Variants in TMC3 observed in about 807,000 individuals in gnomAD.
TMC3 encodes the protein transmembrane channel like 3.
Under a neutral mutation model 110.6 loss-of-function variants are expected in TMC3, and 98 were observed. The observed-to-expected ratio is 0.89, with a 90% CI of 0.75 to 1.05. TMC3 has a LOEUF of 1.05. TMC3 is among the 50% of genes least tolerant of loss of function. TMC3 has a pLI of 0.00. For missense variants in TMC3, 1,319 were observed against 1,373.2 expected (o/e 0.96, Z 0.62); for synonymous variants, 489 against 513.1 (o/e 0.95, Z 0.63).
intron 9 of TMC3, among the ~76,000 whole-genome samples, chr15:81,353,370 A>T (rs1893993238): frequency 1.3e-5 from 2 of 152,242 alleles, no homozygotes; most frequent in South Asian, 4.1e-4. Context: ...TACAGTGTTT[A>T]TAAAGTCTAC....
Position 81,332,587 on chromosome 15 carries a change from C to T in TMC3, c.3135G>A (p.Ser1045=), listed in dbSNP as rs754934933. 9 of 1,613,964 alleles carry T rather than the reference C, an allele frequency of 5.6e-6. No individual in the cohort carries two copies. Among genetic ancestry groups the T allele is most frequent in the Non-Finnish European group, 7.6e-6 (9 of 1,179,882 alleles). ...TCTGCTGGTCACTGCTGGATGCTGC[C>T]GACACGGAGTCAGATTCCGTGAGGG... ...EPSLTESDSV[S]AASSSDQQNS... Residue 1045 remains serine, a synonymous_variant, in exon 22 of 22, where the codon TCG becomes TCA. Coordinates refer to ENST00000359440, the MANE Select transcript of TMC3 (RefSeq NM_001080532.3).
Position 81,334,818 on chromosome 15 carries a change from G to T in TMC3, c.2361C>A (p.Val787=). The T allele has an allele frequency of 6.2e-7, 1 of 1,614,018 alleles. No individual in the cohort carries two copies. The highest frequency in any genetic ancestry group is 8.5e-7 in the Non-Finnish European group (1 of 1,179,892). The change falls in exon 21 of 22, where the codon GTC becomes GTA. Residue 787 remains valine, a synonymous_variant. Coordinates refer to ENST00000359440, the MANE Select transcript of TMC3 (RefSeq NM_001080532.3). ...TCGGGCTCTGGGGCATGGACTGTGC[G>T]ACTGTCTCTATCCTGCCACTCTTGC... ...GSSKSGRIET[V]AQSMPQSPRP... is the part of the protein sequence containing the mutation.
At chr15:81,343,706 C>A (rs1378983896) in intron 14 of TMC3, among the ~76,000 whole-genome samples, 1 of 150,798 alleles carries the variant, frequency 6.6e-6, no homozygotes, top group African/African-American at 2.4e-5. Flanking sequence ...AGGAGGATCG[C>A]TTGAGCAAGA....
chr15:81,361,082 A>G (rs1894177849), intron 4 of TMC3, among the ~76,000 whole-genome samples: 1 of 151,680 alleles, frequency 6.6e-6, no homozygotes, highest in Admixed American at 6.6e-5. Flanking sequence ...CCTAATTTAC[A>G]TTTCTGCCAG....
intron 9 of TMC3, among the ~76,000 whole-genome samples, chr15:81,353,073 C>T (rs1029628870): frequency 6.6e-6 from 1 of 152,246 alleles, no homozygotes; most frequent in South Asian, 2.1e-4. Flanking sequence ...CTGCCCGCCT[C>T]GGCCTCCCAA....
chr15:81,343,409 T>C, intron 14 of TMC3, 64 bp from the exon 15 acceptor site: 1 of 1,059,316 alleles, frequency 9.4e-7, no homozygotes, highest in Admixed American at 1.7e-5. Context: ...AACCAATTAA[T>C]TACAGACACC....
In TMC3 at chr15:81,334,753, A is replaced by T; in HGVS notation, c.2426T>A (p.Val809Asp). The T allele has an allele frequency of 6.2e-7, 1 of 1,613,710 alleles. No homozygotes were observed. The highest frequency in any genetic ancestry group is 1.3e-5 in the African/African-American group (1 of 74,942). ...DRAPSSPLPG[V>D]PKSRLEHETN... ...TTCATGCTCTAGCCTGGATTTGGGG[A>T]CCCCAGGGAGAGGTGAGCTAGGAGC... The change falls in exon 21 of 22, where the codon GTC becomes GAC. Residue 809 changes from valine to aspartate, a missense_variant. Transcript: ENST00000359440.
Position 81,358,026 on chromosome 15 carries a change from A to G in TMC3, c.743+123T>C, listed in dbSNP as rs1894103035. 7 of 1,195,586 alleles carry G rather than the reference A, an allele frequency of 5.9e-6. No individual in the cohort carries two copies. The East Asian group carries it at 1.6e-4, about 27-fold the overall frequency. The allele number at this position is 1,195,586 out of a possible 1,614,324, so 74.1% of individuals were successfully genotyped here. ...GACATTACACATATCATAACACTTG[A>G]TATGTATTTTGAGAAATCAAGCAGT... On this transcript the variant is annotated intron_variant, in intron 7 of 21. Coordinates refer to ENST00000359440, the MANE Select transcript of TMC3 (RefSeq NM_001080532.3).
rs188178254 is a variant in TMC3 at position 81,341,146 on chromosome 15, A to C, written c.1844+244T>G. Among the ~76,000 whole-genome samples, 8 of 152,230 alleles carry C rather than the reference A, an allele frequency of 5.3e-5. No homozygotes were observed. The East Asian group carries it at 1.5e-3, about 29-fold the overall frequency. On this transcript the variant is annotated intron_variant, in intron 16 of 21. Transcript: ENST00000359440. Reference sequence around the variant, plus strand: ...TTTACGATTTGTGTACTTTTTTTCTAAAGGATTATTAAACTTCGGCAAAAC... The same window carrying C: ...TTTACGATTTGTGTACTTTTTTTCTCAAGGATTATTAAACTTCGGCAAAAC...
Position 81,351,690 on chromosome 15 carries a change from G to T in TMC3, c.1083+4C>A, listed in dbSNP as rs537635205. On this transcript the variant is annotated splice_donor_region_variant and intron_variant, in intron 10 of 21. Coordinates refer to ENST00000359440, the MANE Select transcript of TMC3 (RefSeq NM_001080532.3). The stretch of plus-strand genomic sequence containing the variant: ...AGGGTGCTGCAGGTAATGGCAGTGG[G>T]TACCTCATTCTTTTCCCAAAGTGTC... 1 of 1,552,718 alleles carries T rather than the reference G, an allele frequency of 6.4e-7. No homozygotes were observed. The highest frequency in any genetic ancestry group is 2.4e-5 in the East Asian group (1 of 40,922).
chr15:81,338,788 A>T lies in TMC3; in HGVS notation c.1956-8T>A. The stretch of plus-strand genomic sequence containing the variant: ...TAAATTTTCTCTTGTCCACTGTGAG[A>T]AAGAAAAACATAACTCCAGATTTTA... On this transcript the variant is annotated splice_polypyrimidine_tract_variant and splice_region_variant and intron_variant, in intron 17 of 21. Transcript: ENST00000359440. The T allele has an allele frequency of 6.2e-7, 1 of 1,613,248 alleles. No individual in the cohort carries two copies. The highest frequency in any genetic ancestry group is 8.5e-7 in the Non-Finnish European group (1 of 1,179,618).
Position 81,333,182 on chromosome 15 carries a change from A to G in TMC3, c.2540T>C (p.Ile847Thr). 1 of 1,613,968 alleles carries G rather than the reference A, an allele frequency of 6.2e-7. No individual in the cohort carries two copies. The highest frequency in any genetic ancestry group is 8.5e-7 in the Non-Finnish European group (1 of 1,179,888). Residue 847 changes from isoleucine (I) to threonine (T), a missense_variant, in exon 22 of 22, where the codon ATC becomes ACC. Ile to Thr is a moderately conservative substitution (Grantham distance 89, BLOSUM62 -1). Transcript: ENST00000359440. ...SRTPMTFTTH[I>T]EDVHSEPLFR... ...AAGAGGTTCTGAGTGTACATCTTCG[A>G]TGTGCGTTGTAAATGTCATAGGTGT...
At chr15:81,372,969 C>T (rs986707828) in intron 1 of TMC3, among the ~76,000 whole-genome samples, 1 of 151,904 alleles carries the variant, frequency 6.6e-6, no homozygotes, top group Non-Finnish European at 1.5e-5. Context: ...TTATTGGATT[C>T]AATTACTTCC....
intron 2 of TMC3, among the ~76,000 whole-genome samples, chr15:81,370,411 C>T (rs1418300726): frequency 6.6e-6 from 1 of 152,126 alleles, no homozygotes; most frequent in Non-Finnish European, 1.5e-5. Context: ...CGAAGGTGCT[C>T]AGAGGGCCAG....
chr15:81,338,630 C>T (rs537029152), intron 18 of TMC3, 25 bp downstream of exon 18: 1 of 1,607,650 alleles, frequency 6.2e-7, no homozygotes, highest in South Asian at 1.1e-5. Context: ...GAAGTCCCTC[C>T]AAAGCTGGCA....
intron 3 of TMC3, among the ~76,000 whole-genome samples, chr15:81,365,777 CTT>C (rs1356161174): frequency 6.6e-6 from 1 of 151,920 alleles, no homozygotes; most frequent in Non-Finnish European, 1.5e-5. Flanking sequence ...GGTTATTGAG[CTT>C]TGGTAACTAA....
At chr15:81,363,530 G>A (rs1235412570) in intron 3 of TMC3, among the ~76,000 whole-genome samples, 4 of 152,176 alleles carry the variant, frequency 2.6e-5, no homozygotes, top group Admixed American at 6.5e-5. Context: ...CATTCTGGAC[G>A]TGTCTGCTGA....
Position 81,332,777 on chromosome 15 carries a change from G to A in TMC3, c.2945C>T (p.Thr982Ile), listed in dbSNP as rs772074882. ...CCTCCCCTGGTGCTCGGGATCCCGG[G>A]TCTGACTTTCGGACCTCTCCCCAAT... ...FYIGERSESQ[T>I]RDPEHQGRVH... The change falls in exon 22 of 22, where the codon ACC becomes ATC. Residue 982 changes from threonine to isoleucine, a missense_variant. Physicochemically the swap from Thr to Ile is moderately conservative, Grantham distance 89. Coordinates refer to ENST00000359440, the MANE Select transcript of TMC3 (RefSeq NM_001080532.3). The A allele has an allele frequency of 5.0e-6, 8 of 1,611,646 alleles. No individual in the cohort carries two copies. Among genetic ancestry groups the A allele is most frequent in the Non-Finnish European group, 6.8e-6 (8 of 1,178,986 alleles).
chr15:81,347,489 G>A (rs1220765967), intron 11 of TMC3, among the ~76,000 whole-genome samples: 1 of 152,172 alleles, frequency 6.6e-6, no homozygotes, highest in African/African-American at 2.4e-5. Flanking sequence ...TGGGCACAGT[G>A]CATTTACAGT....
Sources: gnomAD v4.1 joint callset for allele counts (sites outside exome capture counted in the v4.1 genomes callset) on GRCh38, gnomAD v4.1.1 for gene constraint, MANE v1.5 for transcripts, NCBI Gene and HGNC (gene_info 2026-07-23, HGNC 2026-07-21) for gene names.